RBM4: variants seen among roughly 807,000 people sequenced by gnomAD.
RBM4 encodes RNA-binding protein 4.
A neutral mutation model predicts 29.5 loss-of-function variants in RBM4; 7 were observed. The ratio of observed to expected loss-of-function variants is 0.24; its 90% CI spans 0.14 to 0.45. The LOEUF (loss-of-function observed/expected upper bound fraction) is 0.45, where lower values mean the gene tolerates loss of function less well. Among genes scored for constraint, RBM4 ranks in the 20% least tolerant of loss-of-function variants. The pLI is 1.00. For missense variants in RBM4, 387 were observed against 502.3 expected (o/e 0.77, Z 2.19); for synonymous variants, 220 against 205.4 (o/e 1.07, Z -0.61).
chr11:66,655,943 G>A (rs1938941113), intron 2 of RBM4, among the ~76,000 whole-genome samples: 1 of 152,034 alleles, frequency 6.6e-6, no homozygotes, highest in South Asian at 2.1e-4. Flanking sequence ...TCCTGACTCT[G>A]GGAAGAACCA....
intron 3 of RBM4, among the ~76,000 whole-genome samples, chr11:66,645,683 A>G (rs978794970): frequency 6.6e-6 from 1 of 151,492 alleles, no homozygotes; most frequent in Non-Finnish European, 1.5e-5. Context: ...GAACCTTTCC[A>G]TTTTTCCTAT....
rs756152261 is a variant in RBM4 at position 66,643,711 on chromosome 11, G to A, written c.674G>A (p.Cys225Tyr). ...GCGCTCGATGCCTACTACAAGCGCT[G>A]CCGTGCTGCCCGGTCCTATGAGGCA... ...YGALDAYYKR[C>Y]RAARSYEAVA... Residue 225 changes from cysteine to tyrosine, a missense_variant, in exon 3 of 4, where the codon TGC becomes TAC. Cys to Tyr is a radical substitution (Grantham distance 194). Around this residue, in one of 2 missense-constraint regions of RBM4, gnomAD observed 281 missense variants for 288.7 expected, o/e 0.97. Coordinates refer to ENST00000310092, the MANE Select transcript of RBM4 (RefSeq NM_002896.4). The surrounding 1 kb of genome is among the most constrained non-coding windows in gnomAD (Gnocchi z 6.1). The A allele has an allele frequency of 1.2e-6, 2 of 1,614,058 alleles. No individual in the cohort carries two copies. The highest frequency in any genetic ancestry group is 2.2e-5 in the South Asian group (2 of 91,084).
intron 3 of RBM4, 90 bp from the exon 4 acceptor site, chr11:66,645,937 G>T: frequency 6.5e-7 from 1 of 1,533,672 alleles, no homozygotes. Context: ...GGAGTGTCAA[G>T]TTATCAGACT....
At chr11:66,660,400 G>A (rs1351194431) in intron 2 of RBM4, among the ~76,000 whole-genome samples, 1 of 142,470 alleles carries the variant, frequency 7.0e-6, no homozygotes, top group African/African-American at 2.6e-5. Flanking sequence ...CAACCAGGCT[G>A]GAGTGCAGTG....
intron 2 of RBM4, among the ~76,000 whole-genome samples, chr11:66,659,426 A>C (rs767054346): frequency 2.6e-5 from 4 of 151,574 alleles, no homozygotes; most frequent in Non-Finnish European, 5.9e-5. Context: ...ACGTGCCACT[A>C]CACCTGGCTA....
chr11:66,657,999 C>T (rs1938984987), intron 2 of RBM4, among the ~76,000 whole-genome samples: 1 of 152,092 alleles, frequency 6.6e-6, no homozygotes, highest in Admixed American at 6.6e-5. Flanking sequence ...GGATTACAGG[C>T]GTGAGCCACC....
intron 2 of RBM4, among the ~76,000 whole-genome samples, chr11:66,652,117 T>A (rs951978728): frequency 5.1e-4 from 78 of 151,822 alleles, no homozygotes; most frequent in Non-Finnish European, 1.0e-3. Context: ...ATGAAAAAAT[T>A]TTTTTTTTTT....
chr11:66,665,737 C>A, intron 2 of RBM4: 1 of 1,331,992 alleles, frequency 7.5e-7, no homozygotes, highest in Non-Finnish European at 1.0e-6. Context: ...ATGTAATTAC[C>A]TAGGAGTCTA....
At chr11:66,665,062 C>CT (rs1391207316) in intron 2 of RBM4, 2 of 152,600 alleles carry the variant, frequency 1.3e-5, no homozygotes, top group Non-Finnish European at 2.9e-5. Context: ...TGGAGTAAAA[C>CT]AAGGGTAAAT....
chr11:66,663,396 G>C (rs754818534), intron 2 of RBM4, among the ~76,000 whole-genome samples: 1 of 152,078 alleles, frequency 6.6e-6, no homozygotes, highest in Non-Finnish European at 1.5e-5. Flanking sequence ...ATGGAGTCTC[G>C]CTCTGTCACC....
intron 3 of RBM4, chr11:66,644,716 T>C: frequency 5.1e-6 from 5 of 971,374 alleles, no homozygotes; most frequent in Non-Finnish European, 6.1e-6. Flanking sequence ...CGTTCAACCC[T>C]TATGAGTTTT....
exon 3 of RBM4, chr11:66,665,860 G>C: frequency 6.5e-7 from 1 of 1,531,184 alleles, no homozygotes; most frequent in South Asian, 1.2e-5. Flanking sequence ...TTTTAGGCAA[G>C]ATAACCCCTG....
chr11:66,658,075 C>A (rs1343330412), intron 2 of RBM4, among the ~76,000 whole-genome samples: 1 of 150,764 alleles, frequency 6.6e-6, no homozygotes, highest in Admixed American at 6.6e-5. Context: ...GCCCAGGCTG[C>A]TGGAGTGCAA....
intron 2 of RBM4, among the ~76,000 whole-genome samples, chr11:66,662,356 A>G (rs1188364881): frequency 6.6e-6 from 1 of 152,108 alleles, no homozygotes; most frequent in East Asian, 1.9e-4. Context: ...TTTTGCAGAA[A>G]ATTTTTTTTC....
exon 3 of RBM4, chr11:66,666,022 A>C: frequency 1.4e-6 from 2 of 1,384,208 alleles, no homozygotes; most frequent in Non-Finnish European, 2.0e-6. Flanking sequence ...AATCTTTCAC[A>C]GTAAACAAGC....
exon 3 of RBM4, chr11:66,666,290 T>C (rs1281334701): frequency 9.2e-7 from 1 of 1,087,404 alleles, no homozygotes; most frequent in Non-Finnish European, 1.1e-6. Context: ...CCTCTACTTA[T>C]TACAGACAAA....
chr11:66,650,216 G>A (rs1251093015), downstream of RBM4, among the ~76,000 whole-genome samples: 4 of 152,152 alleles, frequency 2.6e-5, no homozygotes, highest in Non-Finnish European at 5.9e-5. Context: ...GGACCTGTGA[G>A]GGCAGTTTTC....
intron 2 of RBM4, among the ~76,000 whole-genome samples, chr11:66,661,404 T>C (rs1429831989): frequency 6.6e-6 from 1 of 152,200 alleles, no homozygotes; most frequent in African/African-American, 2.4e-5. Flanking sequence ...TTCTGGTCCA[T>C]CTTGCAGGCA....
rs1346431074 is a variant in RBM4 at position 66,640,286 on chromosome 11, C to G, written c.412+163C>G. ...TTCTTATGATGTAGAATGCATGGGA[C>G]TTAGGGGCTTTACCTTAGGCAAATG... is the stretch of plus-strand genomic sequence containing the variant. On this transcript the variant is annotated intron_variant, in intron 2 of 3. Coordinates refer to ENST00000310092, the MANE Select transcript of RBM4 (RefSeq NM_002896.4). 24 of 929,856 alleles carry G rather than the reference C, an allele frequency of 2.6e-5. 1 individual carries two copies. In the South Asian group the frequency reaches 3.6e-4, roughly 14 times the overall value. 57.6% of individuals were successfully genotyped at this position (929,856 alleles called of 1,614,324 possible). A position where few individuals can be genotyped will look rare whatever the true frequency, so the allele number is the denominator to read the frequency against.
Sources: gnomAD v4.1 joint callset for allele counts (sites outside exome capture counted in the v4.1 genomes callset) on GRCh38, gnomAD v4.1.1 for gene constraint, gnomAD v4.1.1 regional missense constraint, Gnocchi (gnomAD v3.1) non-coding constraint, MANE v1.5 for transcripts, NCBI Gene and HGNC (gene_info 2026-07-23, HGNC 2026-07-21) for gene names.